Variants in IL1RAPL1 observed in about 807,000 individuals in gnomAD.
IL1RAPL1 encodes the protein interleukin 1 receptor accessory protein like 1.
A neutral mutation model predicts 48.4 loss-of-function variants in IL1RAPL1; 3 were observed. The ratio of observed to expected loss-of-function variants is 0.06; its 90% CI spans 0.03 to 0.16. The LOEUF (loss-of-function observed/expected upper bound fraction) is 0.16, where lower values mean the gene tolerates loss of function less well. Among genes scored for constraint, IL1RAPL1 ranks in the 10% least tolerant of loss-of-function variants. The probability of loss-of-function intolerance (pLI) is 1.00; values close to 1 mark genes in which losing one functional copy is unlikely to be tolerated. For synonymous variants in IL1RAPL1, 185 were observed against 187.7 expected, an observed-to-expected ratio of 0.99 and a Z score of 0.12; for missense variants, 349 against 530.6, an observed-to-expected ratio of 0.66 and a Z score of 3.36.
chrX:29,129,588 A>ATTTTTTT (rs754196116), intron 2 of IL1RAPL1, among the ~76,000 whole-genome samples: 94 of 59,841 alleles, frequency 1.6e-3, no homozygotes, highest in Middle Eastern at 0.026. Flanking sequence ...AATAATGTAA[A>ATTTTTTT]TTTTTTTTTT....
At chrX:29,373,301 T>C (rs1412004246) in intron 3 of IL1RAPL1, among the ~76,000 whole-genome samples, 1 of 112,077 alleles carries the variant, frequency 8.9e-6, no homozygotes, top group Non-Finnish European at 1.9e-5. Flanking sequence ...GTTTATCAGT[T>C]CCAGGAGGCT....
chrX:29,521,820 A>G (rs1266955974), intron 5 of IL1RAPL1, among the ~76,000 whole-genome samples: 2 of 111,949 alleles, frequency 1.8e-5, no homozygotes, highest in Admixed American at 1.9e-4. Flanking sequence ...TACATTTCTT[A>G]TAGTGTAATC....
chrX:28,956,473 G>A (rs1218457257), intron 2 of IL1RAPL1, among the ~76,000 whole-genome samples: 3 of 110,389 alleles, frequency 2.7e-5, no homozygotes, highest in African/African-American at 6.6e-5. Context: ...TAGCATGAAG[G>A]GTTGCTGAAT....
At chrX:29,053,230 A>G (rs1927136835) in intron 2 of IL1RAPL1, among the ~76,000 whole-genome samples, 1 of 112,082 alleles carries the variant, frequency 8.9e-6, no homozygotes, top group South Asian at 3.7e-4. Context: ...ATGGCTGCAT[A>G]GTATTCCACG....
chrX:29,384,700 G>A (rs757895344), intron 3 of IL1RAPL1, among the ~76,000 whole-genome samples: 2 of 112,590 alleles, frequency 1.8e-5, no homozygotes, highest in South Asian at 7.3e-4. Flanking sequence ...AGCCCATGAT[G>A]TTTCAAAGGA....
chrX:29,915,836 T>TGC (rs1452457719), intron 6 of IL1RAPL1, among the ~76,000 whole-genome samples: 1 of 87,617 alleles, frequency 1.1e-5, no homozygotes, highest in Non-Finnish European at 2.2e-5. Flanking sequence ...GCCATGCTGG[T>TGC]GCGCTGCACC....
chrX:29,697,047 A>AT (rs1397669748), intron 6 of IL1RAPL1, among the ~76,000 whole-genome samples: 3 of 111,700 alleles, frequency 2.7e-5, no homozygotes, highest in Non-Finnish European at 5.6e-5. Context: ...GCTGTTTGGG[A>AT]TTTTTTTATA....
intron 2 of IL1RAPL1, among the ~76,000 whole-genome samples, chrX:29,206,776 A>G (rs1277189234): frequency 9.0e-6 from 1 of 111,702 alleles, no homozygotes; most frequent in Non-Finnish European, 1.9e-5. Context: ...TAAAAGATAT[A>G]TGTACTGAAA....
chrX:29,401,692 A>C (rs1933994531), intron 5 of IL1RAPL1, among the ~76,000 whole-genome samples: 1 of 109,533 alleles, frequency 9.1e-6, no homozygotes, highest in Non-Finnish European at 1.9e-5. Flanking sequence ...AAAAAAAAAA[A>C]AGAGGAATCC....
At chrX:28,614,906 C>T (rs1934194060) in intron 1 of IL1RAPL1, among the ~76,000 whole-genome samples, 1 of 109,742 alleles carries the variant, frequency 9.1e-6, no homozygotes, top group African/African-American at 3.3e-5. Context: ...TGTTTTTTTT[C>T]GGGACACAGT....
chrX:29,209,374 G>C (rs1017515351), intron 2 of IL1RAPL1, among the ~76,000 whole-genome samples: 1 of 111,775 alleles, frequency 8.9e-6, no homozygotes, highest in East Asian at 2.8e-4. Context: ...CATTCTGTTA[G>C]ATATTTCATT....
At chrX:29,076,034 T>C (rs1740063852) in intron 2 of IL1RAPL1, among the ~76,000 whole-genome samples, 1 of 111,918 alleles carries the variant, frequency 8.9e-6, no homozygotes, top group Admixed American at 9.5e-5. Flanking sequence ...GCATATATAA[T>C]AAGACATAGT....
intron 3 of IL1RAPL1, among the ~76,000 whole-genome samples, chrX:29,389,505 C>T (rs1933828663): frequency 9.0e-6 from 1 of 111,165 alleles, no homozygotes; most frequent in Non-Finnish European, 1.9e-5. Flanking sequence ...TCTTCTCCCT[C>T]TTATCTTTTC....
chrX:29,388,136 G>C (rs1157032004), intron 3 of IL1RAPL1, among the ~76,000 whole-genome samples: 1 of 69,942 alleles, frequency 1.4e-5, no homozygotes, highest in Non-Finnish European at 2.7e-5. Context: ...AAAGCAATCA[G>C]AACTTTGTAG....
chrX:29,597,294 C>T (rs919431280), intron 5 of IL1RAPL1, among the ~76,000 whole-genome samples: 1 of 109,672 alleles, frequency 9.1e-6, no homozygotes, highest in African/African-American at 3.3e-5. Flanking sequence ...GCTGGGATTA[C>T]AGGCATGTGC....
intron 5 of IL1RAPL1, among the ~76,000 whole-genome samples, chrX:29,520,140 G>A (rs1349997544): frequency 1.8e-5 from 2 of 112,025 alleles, no homozygotes; most frequent in Admixed American, 9.5e-5. Flanking sequence ...TTTCCTTAAT[G>A]TTTATTAAGT....
chrX:29,601,048 G>C (rs1436518047), intron 5 of IL1RAPL1, among the ~76,000 whole-genome samples: 1 of 111,503 alleles, frequency 9.0e-6, no homozygotes, highest in Non-Finnish European at 1.9e-5. Context: ...GTCTCTGGGA[G>C]CCTGCAGCAG....
At chrX:29,179,857 C>T (rs993867738) in intron 2 of IL1RAPL1, among the ~76,000 whole-genome samples, 4 of 110,955 alleles carry the variant, frequency 3.6e-5, no homozygotes, top group Non-Finnish European at 7.5e-5. Context: ...TTAGTTTGCA[C>T]TGGAATTACC....
chrX:29,535,093 C>T (rs1249076500), intron 5 of IL1RAPL1, among the ~76,000 whole-genome samples: 2 of 86,794 alleles, frequency 2.3e-5, no homozygotes, highest in Admixed American at 1.5e-4. Flanking sequence ...AAGATTATGG[C>T]ACTGAACTCC....
Sources: gnomAD v4.1 joint callset for allele counts (sites outside exome capture counted in the v4.1 genomes callset) on GRCh38, gnomAD v4.1.1 for gene constraint, MANE v1.5 for transcripts, NCBI Gene and HGNC (gene_info 2026-07-23, HGNC 2026-07-21) for gene names.